PCSK9: variants seen among roughly 807,000 people sequenced by gnomAD.
PCSK9 encodes the protein convertase subtilisin/kexin type 9 preproprotein.
A neutral mutation model predicts 62.1 loss-of-function variants in PCSK9; 57 were observed. The ratio of observed to expected loss-of-function variants is 0.92; its 90% CI spans 0.74 to 1.14. The LOEUF is 1.14. Ranked by LOEUF, PCSK9 falls within the 50% of genes most tolerant of loss-of-function variation. The pLI is 0.00. For missense variants in PCSK9, 870 were observed against 959.8 expected, an observed-to-expected ratio of 0.91 and a Z score of 1.24; for synonymous variants, 387 against 409.4, an observed-to-expected ratio of 0.95 and a Z score of 0.66.
At chr1:55,049,919 G>A (rs28362230) in intron 3 of PCSK9, among the ~76,000 whole-genome samples, 48 of 152,344 alleles carry the variant, frequency 3.2e-4, no homozygotes, top group African/African-American at 1.0e-3. Context: ...AGCAGATGGT[G>A]GTCCCAAGCA....
Position 55,046,507 on chromosome 1 carries a change from T to C in PCSK9, c.400-16T>C, listed in dbSNP as rs1644635513. ...ATGGCTTAAGCAGAGTCCCCCGGCC[T>C]CTCTGGCTTCTGCAGGCCTTGAAGT... On this transcript the variant is annotated splice_polypyrimidine_tract_variant and intron_variant, in intron 2 of 11. Coordinates refer to ENST00000302118, the MANE Select transcript of PCSK9 (RefSeq NM_174936.4). 1.9e-6 allele frequency: 3 copies of C among 1,614,150 alleles called. No homozygotes were observed. In the East Asian group the frequency reaches 6.7e-5, roughly 36 times the overall value.
chr1:55,047,193 T>A (rs2100278808), intron 3 of PCSK9, among the ~76,000 whole-genome samples: 1 of 152,240 alleles, frequency 6.6e-6, no homozygotes, highest in South Asian at 2.1e-4. Context: ...GTGGCCTGGC[T>A]ATGGAAGGGA....
intron 5 of PCSK9, among the ~76,000 whole-genome samples, chr1:55,053,310 A>T (rs1644690016): frequency 1.3e-5 from 2 of 152,064 alleles, no homozygotes; most frequent in South Asian, 4.1e-4. Flanking sequence ...CCCCCCTATG[A>T]AGTCCAGTTG....
chr1:55,051,057 C>A (rs1331764191), intron 3 of PCSK9: 3 of 434,604 alleles, frequency 6.9e-6, no homozygotes, highest in Admixed American at 2.5e-5. Flanking sequence ...AGCCGGAAGA[C>A]GTGAGGCAGG....
chr1:55,045,253 C>T (rs564767065), intron 2 of PCSK9, among the ~76,000 whole-genome samples: 1 of 152,138 alleles, frequency 6.6e-6, no homozygotes, highest in Non-Finnish European at 1.5e-5. Flanking sequence ...CAGGCATTTG[C>T]CATCGAGAGC....
At position 55,044,035 on chromosome 1, in the gene PCSK9, G is replaced by C. The variant is rs1461760908; in HGVS notation, c.399+1G>C. On this transcript the variant is annotated splice_donor_variant, in intron 2 of 11. Coordinates refer to ENST00000302118, the MANE Select transcript of PCSK9 (RefSeq NM_174936.4). LOFTEE classifies it high-confidence loss of function. ...GATGAGTGGCGACCTGCTGGAGCTGGTGAGCCACCCTTTTTGGGAATGGCA... is the reference window on the plus strand; with the variant it reads ...GATGAGTGGCGACCTGCTGGAGCTGCTGAGCCACCCTTTTTGGGAATGGCA... The C allele has an allele frequency of 6.2e-7, 1 of 1,614,130 alleles. No individual in the cohort carries two copies. The highest frequency in any genetic ancestry group is 1.3e-5 in the African/African-American group (1 of 75,040).
At chr1:55,062,719 G>T (rs370505879) in intron 11 of PCSK9, among the ~76,000 whole-genome samples, 1 of 152,174 alleles carries the variant, frequency 6.6e-6, no homozygotes, top group East Asian at 1.9e-4. Flanking sequence ...GAGATGGGGG[G>T]TGCCTCAGAG....
chr1:55,061,663 G>A (rs1300740905), intron 11 of PCSK9, 107 bp downstream of exon 11: 23 of 1,399,572 alleles, frequency 1.6e-5, no homozygotes, highest in East Asian at 2.5e-5. Flanking sequence ...TCAGGGTGGC[G>A]GTTTGCCAGG....
intron 3 of PCSK9, among the ~76,000 whole-genome samples, chr1:55,049,375 A>AGGGCTGCCTGGTGAGAGGGAAT (rs1644657712): frequency 6.6e-6 from 1 of 152,242 alleles, no homozygotes; most frequent in African/African-American, 2.4e-5. Flanking sequence ...GGCGTATGGC[A>AGGGCTGCCTGGTGAGAGGGAAT]GGGCTGCCTG....
At chr1:55,060,740 G>C (rs1378843073) in intron 10 of PCSK9, among the ~76,000 whole-genome samples, 1 of 152,164 alleles carries the variant, frequency 6.6e-6, no homozygotes, top group African/African-American at 2.4e-5. Context: ...ATGCTGAGTG[G>C]CTGCCCCGAG....
intron 2 of PCSK9, 48 bp from the exon 3 acceptor site, chr1:55,046,475 T>C (rs941818914): frequency 5.0e-6 from 8 of 1,613,986 alleles, no homozygotes; most frequent in Non-Finnish European, 5.9e-6. Context: ...TGTTTGCTGC[T>C]GTCCAAATGG....
chr1:55,043,951 G>A lies in PCSK9; in HGVS notation c.316G>A (p.Gly106Arg), dbSNP rs2100267180. Residue 106 changes from glycine to arginine, a missense_variant, in exon 2 of 12, where the codon GGA becomes AGA. Physicochemically the swap from Gly to Arg is moderately radical, Grantham distance 125 (BLOSUM62 -2). Coordinates refer to ENST00000302118, the MANE Select transcript of PCSK9 (RefSeq NM_174936.4). ...CCTGCAGGCCCAGGCTGCCCGCCGG[G>A]GATACCTCACCAAGATCCTGCATGT... is the stretch of plus-strand genomic sequence containing the variant. ...RRLQAQAARR[G>R]YLTKILHVFH... The A allele has an allele frequency of 3.7e-6, 6 of 1,614,194 alleles. No individual in the cohort carries two copies. The highest frequency in any genetic ancestry group is 5.1e-6 in the Non-Finnish European group (6 of 1,180,044).
intron 10 of PCSK9, among the ~76,000 whole-genome samples, chr1:55,060,200 G>T (rs1557508183): frequency 6.6e-6 from 1 of 152,212 alleles, no homozygotes; most frequent in Non-Finnish European, 1.5e-5. Flanking sequence ...TCCAGCCTCT[G>T]GTATAGGCAA....
chr1:55,044,136 G>A, intron 2 of PCSK9, 102 bp downstream of exon 2: 1 of 1,350,762 alleles, frequency 7.4e-7, no homozygotes, highest in South Asian at 1.2e-5. Context: ...AATCAGAAGG[G>A]GACAGCAAGT....
chr1:55,054,989 A>T (rs1644701892), intron 5 of PCSK9, among the ~76,000 whole-genome samples: 1 of 148,632 alleles, frequency 6.7e-6, no homozygotes, highest in Admixed American at 6.9e-5. Context: ...TGGGCAATAG[A>T]GCGAGACTCC....
chr1:55,048,378 G>A (rs1466249204), intron 3 of PCSK9, among the ~76,000 whole-genome samples: 1 of 152,228 alleles, frequency 6.6e-6, no homozygotes, highest in Non-Finnish European at 1.5e-5. Flanking sequence ...CACAGGTTGT[G>A]GGGGTTAGGA....
intron 11 of PCSK9, 87 bp from the exon 12 acceptor site, chr1:55,063,282 A>G: frequency 6.9e-7 from 1 of 1,448,884 alleles, no homozygotes; most frequent in Non-Finnish European, 9.5e-7. Flanking sequence ...TTGGCCTCAC[A>G]GAAGGATGTC....
Position 55,064,604 on chromosome 1 carries a change from C to T in PCSK9, c.*1020C>T, listed in dbSNP as rs1197189181. 1 of 152,192 alleles carries T rather than the reference C, an allele frequency of 6.6e-6. No homozygotes were observed. The highest frequency in any genetic ancestry group is 1.5e-5 in the Non-Finnish European group (1 of 68,030). 9.4% of individuals were successfully genotyped at this position (152,192 alleles called of 1,614,324 possible). On this transcript the variant is annotated 3_prime_UTR_variant, in exon 12 of 12. Transcript: ENST00000302118. ...TCCGTTATCACCCAGGCCTGATTCA[C>T]TGGCCTGGCGGAGATGCTTCTAAGG... is the stretch of plus-strand genomic sequence containing the variant.
At chr1:55,041,638 G>T (rs1644598500) in intron 1 of PCSK9, among the ~76,000 whole-genome samples, 1 of 152,132 alleles carries the variant, frequency 6.6e-6, no homozygotes, top group Non-Finnish European at 1.5e-5. Flanking sequence ...TTTTTGGCAA[G>T]CAGAAAATAA....
Sources: gnomAD v4.1 joint callset for allele counts (sites outside exome capture counted in the v4.1 genomes callset) on GRCh38, gnomAD v4.1.1 for gene constraint, MANE v1.5 for transcripts, NCBI Gene and HGNC (gene_info 2026-07-23, HGNC 2026-07-21) for gene names.